KIF26B: variants seen among roughly 807,000 people sequenced by gnomAD.
The protein encoded by KIF26B is kinesin family member 26B.
KIF26B carries 63 observed loss-of-function variants against 151.2 expected under a neutral mutation model. That is an observed-to-expected ratio of 0.42 (90% CI 0.34 to 0.51). The LOEUF (loss-of-function observed/expected upper bound fraction) is 0.51, where lower values mean the gene tolerates loss of function less well. Among genes scored for constraint, KIF26B ranks in the 20% least tolerant of loss-of-function variants. The pLI, the probability that KIF26B is intolerant of heterozygous loss-of-function variation, is 0.07. For synonymous variants in KIF26B, 1,357 were observed against 1,262.1 expected, an observed-to-expected ratio of 1.08 and a Z score of -1.59; for missense variants, 2,813 against 2,913.6, an observed-to-expected ratio of 0.97 and a Z score of 0.79.
chr1:245,536,731 C>T (rs776708519), intron 4 of KIF26B, among the ~76,000 whole-genome samples: 5 of 152,178 alleles, frequency 3.3e-5, no homozygotes, highest in Non-Finnish European at 7.3e-5. Flanking sequence ...TGAAGGATGG[C>T]ATCTGGAATC....
At position 245,602,455 on chromosome 1, in the gene KIF26B, T is replaced by G. The variant is rs2043406393; in HGVS notation, c.1351-122T>G. On this transcript the variant is annotated intron_variant, in intron 5 of 14. Coordinates refer to ENST00000407071, the MANE Select transcript of KIF26B (RefSeq NM_018012.4). This position sits in a 1 kb window ranked among gnomAD's most constrained non-coding sequence, Gnocchi z 4.5. ...TGCTAATTCACTGTGCATTTCATCA[T>G]AATTTATCCTGAGAAAGTTCAGTGC... 2.8e-6 allele frequency: 2 copies of G among 722,988 alleles called. No individual in the cohort carries two copies. Among genetic ancestry groups the G allele is most frequent in the Non-Finnish European group, 4.7e-6 (2 of 425,906 alleles). The allele number at this position is 722,988 out of a possible 1,614,324, so 44.8% of individuals were successfully genotyped here.
At chr1:245,688,932 T>C in intron 12 of KIF26B, 125 bp downstream of exon 12, 1 of 1,250,252 alleles carries the variant, frequency 8.0e-7, no homozygotes, top group South Asian at 1.7e-5. Context: ...TCCTTGCAGG[T>C]GGGCGAACTG....
At position 245,266,664 on chromosome 1, in the gene KIF26B, G is replaced by A. The variant is rs1036367664; in HGVS notation, c.466-100170G>A. ...TGGGACTACAGGCGCCTACCACCAC[G>A]CCCGGCTAATTTTTGTATTTTTAGT... On this transcript the variant is annotated intron_variant, in intron 2 of 14. Coordinates refer to ENST00000407071, the MANE Select transcript of KIF26B (RefSeq NM_018012.4). Among the ~76,000 whole-genome samples the A allele has an allele frequency of 1.3e-4, 19 of 151,928 alleles. 1 individual carries two copies. Among genetic ancestry groups the A allele is most frequent in the African/African-American group, 3.4e-4 (14 of 41,348 alleles).
intron 2 of KIF26B, among the ~76,000 whole-genome samples, chr1:245,266,762 C>T (rs1670754455): frequency 6.6e-6 from 1 of 150,506 alleles, no homozygotes; most frequent in Admixed American, 6.6e-5. Context: ...GCCTTGGCCT[C>T]CCAAAGTGCT....
At chr1:245,482,380 G>A (rs1353215808) in intron 4 of KIF26B, among the ~76,000 whole-genome samples, 1 of 151,872 alleles carries the variant, frequency 6.6e-6, no homozygotes, top group Non-Finnish European at 1.5e-5. Context: ...GAGCCACCAT[G>A]CCTGGTCAAG....
intron 10 of KIF26B, among the ~76,000 whole-genome samples, chr1:245,662,455 T>TAC (rs2044159902): frequency 8.2e-6 from 1 of 121,254 alleles, no homozygotes; most frequent in African/African-American, 3.3e-5. Context: ...TATATATATA[T>TAC]ACACCCCATG....
chr1:245,401,373 T>A (rs916088622), intron 3 of KIF26B, among the ~76,000 whole-genome samples: 1 of 152,218 alleles, frequency 6.6e-6, no homozygotes, highest in Non-Finnish European at 1.5e-5. Flanking sequence ...AGAGATAACA[T>A]ATTTATTCCT....
intron 3 of KIF26B, among the ~76,000 whole-genome samples, chr1:245,385,844 C>T (rs1673530092): frequency 1.3e-5 from 2 of 152,100 alleles, no homozygotes; most frequent in East Asian, 1.9e-4. Context: ...AGAAGGGTTG[C>T]GTGTGTGAAG....
rs3766646 is a variant in KIF26B, at chr1:245,689,181, G to C, written c.5824+374G>C. Among the ~76,000 whole-genome samples the C allele has an allele frequency of 3.4e-4, 52 of 152,376 alleles. 1 individual carries two copies. The East Asian group carries it at 8.5e-3, about 25-fold the overall frequency. Reference sequence around the variant, plus strand: ...GCAGGTGGCAGCATGACCCGCACCTGCTCGCTCTGGGGGCAGCCTGGCTCT... The same window carrying C: ...GCAGGTGGCAGCATGACCCGCACCTCCTCGCTCTGGGGGCAGCCTGGCTCT... On this transcript the variant is annotated intron_variant, in intron 12 of 14. Transcript: ENST00000407071.
chr1:245,405,624 G>T (rs202096087), intron 3 of KIF26B, among the ~76,000 whole-genome samples: 6 of 144,822 alleles, frequency 4.1e-5, no homozygotes, highest in African/African-American at 1.0e-4. Context: ...TATTGATGTT[G>T]TTTTTTTTTT....
rs531157537 is a variant in KIF26B, at chr1:245,640,708, C to T, written c.2099-5413C>T. Among the ~76,000 whole-genome samples the T allele has an allele frequency of 6.6e-5, 10 of 152,026 alleles. No homozygotes were observed. The East Asian group carries it at 1.7e-3, about 26-fold the overall frequency. On this transcript the variant is annotated intron_variant, in intron 9 of 14. Coordinates refer to ENST00000407071, the MANE Select transcript of KIF26B (RefSeq NM_018012.4). ...TTGCTTTAGGTTACCATGAAGCTTACAAAAACATCCTGTAATTATAACAAG... is the reference window on the plus strand; with the variant it reads ...TTGCTTTAGGTTACCATGAAGCTTATAAAAACATCCTGTAATTATAACAAG...
chr1:245,406,800 T>C (rs1382726276), intron 3 of KIF26B, among the ~76,000 whole-genome samples: 3 of 152,096 alleles, frequency 2.0e-5, no homozygotes, highest in Non-Finnish European at 4.4e-5. Flanking sequence ...TTATTATTAT[T>C]TTTTTGAGAC....
intron 3 of KIF26B, among the ~76,000 whole-genome samples, chr1:245,406,496 C>T (rs1384353017): frequency 3.3e-5 from 5 of 152,078 alleles, no homozygotes; most frequent in African/African-American, 1.2e-4. Flanking sequence ...ATGGAGGTGA[C>T]GTAGGCCCTG....
At chr1:245,463,908 G>C (rs1383204578) in intron 4 of KIF26B, among the ~76,000 whole-genome samples, 2 of 152,120 alleles carry the variant, frequency 1.3e-5, no homozygotes, top group Non-Finnish European at 2.9e-5. Flanking sequence ...TTCACCTAAG[G>C]CTTCCCCGTA....
rs1223130696 is a variant in KIF26B, at chr1:245,358,058, AG to A, written c.466-8774del. On this transcript the variant is annotated intron_variant, in intron 2 of 14. Coordinates refer to ENST00000407071, the MANE Select transcript of KIF26B (RefSeq NM_018012.4). The surrounding 1 kb of genome is among the most constrained non-coding windows in gnomAD (Gnocchi z 4.1). Reference sequence around the variant, plus strand: ...CAGCCTCCTGAGTAGCTGGGACTAAAGGCATGCACCACCGCACCTGGCTAAT... The same window carrying A: ...CAGCCTCCTGAGTAGCTGGGACTAAAGCATGCACCACCGCACCTGGCTAAT... Among the ~76,000 whole-genome samples the A allele has an allele frequency of 6.6e-6, 1 of 152,074 alleles. No homozygotes were observed. The highest frequency in any genetic ancestry group is 2.4e-5 in the African/African-American group (1 of 41,410).
chr1:245,210,311 C>T (rs910859863), intron 2 of KIF26B, among the ~76,000 whole-genome samples: 1 of 152,192 alleles, frequency 6.6e-6, no homozygotes, highest in Non-Finnish European at 1.5e-5. Flanking sequence ...TCCAACCAGC[C>T]GGGGCAGCTG....
intron 9 of KIF26B, among the ~76,000 whole-genome samples, chr1:245,617,062 C>A (rs1188268328): frequency 1.3e-5 from 2 of 151,868 alleles, no homozygotes; most frequent in Non-Finnish European, 2.9e-5. Flanking sequence ...CTACACATCT[C>A]ATCAGACTCT....
chr1:245,565,080 T>G (rs2042996236), intron 5 of KIF26B, among the ~76,000 whole-genome samples: 1 of 152,164 alleles, frequency 6.6e-6, no homozygotes, highest in African/African-American at 2.4e-5. Flanking sequence ...AAGGCTGCAA[T>G]GAGCTATGAT....
chr1:245,380,974 A>G (rs1432273323), intron 3 of KIF26B, among the ~76,000 whole-genome samples: 1 of 151,140 alleles, frequency 6.6e-6, no homozygotes, highest in Non-Finnish European at 1.5e-5. Flanking sequence ...AAAAAAAAAA[A>G]AGGCTGTGTG....
Sources: allele counts gnomAD v4.1 joint callset (sites outside exome capture counted in the v4.1 genomes callset), GRCh38; gene constraint gnomAD v4.1.1; non-coding constraint Gnocchi (gnomAD v3.1); transcripts MANE v1.5; gene names NCBI Gene and HGNC (gene_info 2026-07-23, HGNC 2026-07-21).